The following SPATA13 variants were observed in gnomAD, a reference collection of about 807,000 sequenced individuals.
SPATA13 encodes spermatogenesis-associated protein 13.
In SPATA13, 50 loss-of-function variants were observed where a neutral mutation model predicts 104.0. The ratio of observed to expected loss-of-function variants is 0.48; its 90% CI spans 0.38 to 0.61. SPATA13 has a LOEUF of 0.61. Among genes scored for constraint, SPATA13 ranks in the 20% least tolerant of loss-of-function variants. The pLI, the probability that SPATA13 is intolerant of heterozygous loss-of-function variation, is 0.00. For synonymous variants in SPATA13, 606 were observed against 667.5 expected, an observed-to-expected ratio of 0.91 and a Z score of 1.42; for missense variants, 1,524 against 1,690.6, an observed-to-expected ratio of 0.90 and a Z score of 1.73.
intron 3 of SPATA13, among the ~76,000 whole-genome samples, chr13:24,250,801 G>A (rs1420139302): frequency 2.6e-5 from 4 of 152,226 alleles, no homozygotes; most frequent in African/African-American, 9.6e-5. Context: ...GTGCTCCGCT[G>A]TTGGGAAATG....
chr13:24,015,057 A>AT (rs987552982), intron 2 of SPATA13, among the ~76,000 whole-genome samples: 2 of 151,566 alleles, frequency 1.3e-5, no homozygotes, highest in African/African-American at 2.4e-5. Flanking sequence ...CGCCTGGCTA[A>AT]TTTTTTTGTG....
At chr13:24,016,589 C>G (rs754465881) in intron 2 of SPATA13, among the ~76,000 whole-genome samples, 2 of 152,240 alleles carry the variant, frequency 1.3e-5, no homozygotes, top group Non-Finnish European at 2.9e-5. Flanking sequence ...TCTTCCTAAG[C>G]AGGCTCAGTG....
rs1021150654 is a variant in SPATA13 at position 24,223,441 on chromosome 13, G to A, written c.512G>A (p.Gly171Asp). Reference protein sequence around the residue: ...GSPLAPGPACGALRPAEWGTL... With the variant: ...GSPLAPGPACDALRPAEWGTL... ...CCCTTAGCACCGGGACCAGCATGTG[G>A]TGCCCTCAGGCCAGCAGAGTGGGGC... is the stretch of plus-strand genomic sequence containing the variant. The change falls in exon 2 of 13, where the codon GGT becomes GAT. Residue 171 changes from glycine (G) to aspartate (D), a missense_variant. This residue lies in a region of SPATA13 where 1,089 missense variants were observed against 1,135.9 expected (regional missense o/e 0.96). Coordinates refer to ENST00000382108, the MANE Select transcript of SPATA13 (RefSeq NM_001166271.3). 2 of 1,550,812 alleles carry A rather than the reference G, an allele frequency of 1.3e-6. No individual in the cohort carries two copies. The highest frequency in any genetic ancestry group is 2.7e-5 in the African/African-American group (2 of 73,184).
At chr13:24,063,802 T>G (rs75743154) in intron 3 of SPATA13, among the ~76,000 whole-genome samples, 2,455 of 152,308 alleles carry the variant, frequency 0.016, 74 homozygotes, top group African/African-American at 0.056. Flanking sequence ...CTTTCTTCTC[T>G]TAGTCGCTGT....
chr13:24,262,595 C>G (rs186402903), intron 4 of SPATA13, among the ~76,000 whole-genome samples: 44 of 152,282 alleles, frequency 2.9e-4, no homozygotes, highest in Middle Eastern at 3.4e-3. Flanking sequence ...TAATCCCAAT[C>G]CTTGGGCAAG....
In SPATA13 at chr13:24,229,364, T is replaced by G. The variant is rs181676700; in HGVS notation, c.1653+4782T>G. On this transcript the variant is annotated intron_variant, in intron 2 of 12. Transcript: ENST00000382108. ...TTTCTAGTTGAGTTGGGACCCTGGC[T>G]CTATTATTAAAAGATCCCTGGCAAC... 1.4e-3 allele frequency among the ~76,000 whole-genome samples: 220 copies of G among 152,326 alleles called. 2 individuals carry two copies. The highest frequency in any genetic ancestry group is 5.1e-3 in the African/African-American group (211 of 41,578).
At chr13:24,204,501 C>G (rs1449464615) in intron 1 of SPATA13, among the ~76,000 whole-genome samples, 1 of 152,064 alleles carries the variant, frequency 6.6e-6, no homozygotes, top group Non-Finnish European at 1.5e-5. Context: ...GTGTTAAGTT[C>G]ATGATATTAA....
chr13:23,987,308 A>G (rs1875196413), intron 2 of SPATA13, among the ~76,000 whole-genome samples: 1 of 152,174 alleles, frequency 6.6e-6, no homozygotes, highest in South Asian at 2.1e-4. Context: ...TGACCGGGAA[A>G]TGAGGAGCCA....
chr13:24,237,587 G>A (rs1302134135), intron 2 of SPATA13, among the ~76,000 whole-genome samples: 1 of 152,092 alleles, frequency 6.6e-6, no homozygotes, highest in Non-Finnish European at 1.5e-5. Context: ...TGGGAGAGAT[G>A]AAAAAGTTCT....
At chr13:24,284,087 C>T (rs760617674) in intron 4 of SPATA13, 48 bp from the exon 5 acceptor site, 4 of 1,557,154 alleles carry the variant, frequency 2.6e-6, no homozygotes, top group Non-Finnish European at 2.6e-6. Context: ...ATGAAAAAAT[C>T]TTGTTAGCTG....
intron 2 of SPATA13, among the ~76,000 whole-genome samples, chr13:24,000,347 G>A (rs1487706296): frequency 2.0e-5 from 3 of 152,106 alleles, no homozygotes; most frequent in Admixed American, 6.5e-5. Flanking sequence ...AGCAGCAGGC[G>A]ACAAAGTCCA....
chr13:24,065,210 C>T (rs781366504), intron 3 of SPATA13, among the ~76,000 whole-genome samples: 1 of 152,058 alleles, frequency 6.6e-6, no homozygotes, highest in Admixed American at 6.5e-5. Flanking sequence ...AGGAAAGAAA[C>T]TTTTCAGGTG....
intron 3 of SPATA13, among the ~76,000 whole-genome samples, chr13:24,134,101 T>G (rs891527466): frequency 2.5e-4 from 38 of 152,094 alleles, no homozygotes; most frequent in African/African-American, 4.8e-5. Context: ...CAAGGTAGAA[T>G]GGTACCCAGA....
chr13:24,031,391 A>G (rs1394180407), intron 3 of SPATA13, among the ~76,000 whole-genome samples: 1 of 152,220 alleles, frequency 6.6e-6, no homozygotes, highest in Non-Finnish European at 1.5e-5. Context: ...CAGACTTCCA[A>G]TGTATTAGTT....
intron 3 of SPATA13, among the ~76,000 whole-genome samples, chr13:24,044,617 C>CGAAT (rs1358688711): frequency 6.6e-5 from 10 of 152,242 alleles, no homozygotes; most frequent in African/African-American, 2.4e-4. Context: ...GTTTAATGAT[C>CGAAT]GAATCGGGGT....
rs191417300 is a variant in SPATA13 at position 24,124,437 on chromosome 13, A to G, written c.-111-98382A>G. ...CAGTGTCTAACATAACAGAAGGACA[A>G]GGTGGATAGAAGGGCAAGGTGCCTT... On this transcript the variant is annotated intron_variant, in intron 3 of 14. Coordinates refer to the SPATA13 transcript ENST00000424834. Among the ~76,000 whole-genome samples, 31 of 152,324 alleles carry G rather than the reference A, an allele frequency of 2.0e-4. No individual in the cohort carries two copies. In the East Asian group the frequency reaches 4.2e-3, roughly 21 times the overall value.
At position 24,270,962 on chromosome 13, in the gene SPATA13, G is replaced by C. The variant is rs1441085083; in HGVS notation, c.2165-13173G>C. 3 of 1,382,696 alleles carry C rather than the reference G, an allele frequency of 2.2e-6. No individual in the cohort carries two copies. The African/African-American group carries it at 4.3e-5, about 20-fold the overall frequency. 85.7% of individuals were successfully genotyped at this position (1,382,696 alleles called of 1,614,324 possible). A position where few individuals can be genotyped will look rare whatever the true frequency, so the allele number is the denominator to read the frequency against. ...TGTACTGTGACATGTTGCCGATTCA[G>C]CTCTTTCCTTCCCAAGTTGCAGTTC... On this transcript the variant is annotated intron_variant, in intron 4 of 12. Coordinates refer to ENST00000382108, the MANE Select transcript of SPATA13 (RefSeq NM_001166271.3).
rs529964474 is a variant in SPATA13, at chr13:24,053,932, G to A, written c.-112+36231G>A. The stretch of plus-strand genomic sequence containing the variant: ...GAACTCACAAAGGAAGTGTTATTAT[G>A]GGGTGTCTATGTGCTTGAGGCATAG... On this transcript the variant is annotated intron_variant, in intron 3 of 14. Coordinates refer to the SPATA13 transcript ENST00000424834. Among the ~76,000 whole-genome samples the A allele has an allele frequency of 2.0e-5, 3 of 152,266 alleles. No homozygotes were observed. In the South Asian group the frequency reaches 6.2e-4, roughly 32 times the overall value.
At chr13:23,995,048 G>A (rs1875613928) in intron 2 of SPATA13, among the ~76,000 whole-genome samples, 1 of 152,120 alleles carries the variant, frequency 6.6e-6, no homozygotes, top group African/African-American at 2.4e-5. Context: ...AGTGGGTAGA[G>A]GCCAGGGATG....
Sources: allele counts gnomAD v4.1 joint callset (sites outside exome capture counted in the v4.1 genomes callset), GRCh38; gene constraint gnomAD v4.1.1; regional missense constraint gnomAD v4.1.1; transcripts MANE v1.5; gene names NCBI Gene and HGNC (gene_info 2026-07-23, HGNC 2026-07-21).